TNR: variants seen among roughly 807,000 people sequenced by gnomAD.
TNR encodes tenascin-R.
TNR carries 45 observed loss-of-function variants against 150.4 expected under a neutral mutation model. That is an observed-to-expected ratio of 0.30 (90% CI 0.24 to 0.38). The LOEUF (loss-of-function observed/expected upper bound fraction) is 0.38, where lower values mean the gene tolerates loss of function less well. TNR is among the 10% of genes least tolerant of loss of function. The pLI is 1.00. For synonymous variants in TNR, 687 were observed against 678.4 expected, an observed-to-expected ratio of 1.01 and a Z score of -0.20; for missense variants, 1,544 against 1,759.1, an observed-to-expected ratio of 0.88 and a Z score of 2.19.
chr1:175,698,821 CA>C (rs368818542), intron 1 of TNR, among the ~76,000 whole-genome samples: 2,296 of 145,098 alleles, frequency 0.016, 67 homozygotes, highest in African/African-American at 0.053. Flanking sequence ...GACTCTGTCT[CA>C]AAAAAAAAAA....
rs541004797 is a variant in TNR at position 175,337,444 on chromosome 1, T to C, written c.3534+84A>G. 8.5e-6 allele frequency: 13 copies of C among 1,533,184 alleles called. No homozygotes were observed. In the African/African-American group the frequency reaches 1.8e-4, roughly 21 times the overall value. 95.0% of individuals were successfully genotyped at this position (1,533,184 alleles called of 1,614,324 possible). On this transcript the variant is annotated intron_variant, in intron 19 of 22. Coordinates refer to ENST00000367674, the MANE Select transcript of TNR (RefSeq NM_003285.3). ...GATAAAAGGATGGCCAGGAGGATGGTGAAGTTGGCTTGGCAGGTGCTGAGC... is the reference window on the plus strand; with the variant it reads ...GATAAAAGGATGGCCAGGAGGATGGCGAAGTTGGCTTGGCAGGTGCTGAGC...
intron 1 of TNR, among the ~76,000 whole-genome samples, chr1:175,670,331 T>A (rs1015159994): frequency 1.3e-5 from 2 of 152,126 alleles, no homozygotes; most frequent in Non-Finnish European, 2.9e-5. Context: ...GGGCAGGAAG[T>A]CTGGTGGGAA....
intron 2 of TNR, among the ~76,000 whole-genome samples, chr1:175,468,496 A>T (rs1355557509): frequency 6.6e-6 from 1 of 152,216 alleles, no homozygotes; most frequent in Non-Finnish European, 1.5e-5. Flanking sequence ...CCTGATCCCA[A>T]GGAGCGTAGA....
intron 6 of TNR, among the ~76,000 whole-genome samples, chr1:175,392,128 A>G (rs1234942132): frequency 6.6e-6 from 1 of 152,198 alleles, no homozygotes; most frequent in Non-Finnish European, 1.5e-5. Context: ...CAAGAGGGAG[A>G]GGGAATGAGA....
chr1:175,739,795 A>AG (rs1491431300), intron 1 of TNR, among the ~76,000 whole-genome samples: 1 of 151,616 alleles, frequency 6.6e-6, no homozygotes, highest in African/African-American at 2.4e-5. Context: ...ATCACAATGA[A>AG]CTCTCCTCTT....
chr1:175,470,240 C>A (rs910866712), intron 2 of TNR, among the ~76,000 whole-genome samples: 2 of 151,908 alleles, frequency 1.3e-5, no homozygotes, highest in South Asian at 4.2e-4. Flanking sequence ...GACAGTTGGG[C>A]CTTGGAATGG....
chr1:175,604,192 C>G (rs1048713588), intron 1 of TNR, among the ~76,000 whole-genome samples: 5 of 152,226 alleles, frequency 3.3e-5, no homozygotes, highest in African/African-American at 1.2e-4. Flanking sequence ...CCAAGGCAGG[C>G]CCACGCTGCT....
chr1:175,355,988 A>G (rs1447186896), intron 16 of TNR, among the ~76,000 whole-genome samples: 1 of 151,916 alleles, frequency 6.6e-6, no homozygotes, highest in African/African-American at 2.4e-5. Flanking sequence ...ACTTTCTCCT[A>G]TTCATCACTC....
rs34371480 is a variant in TNR, at chr1:175,406,379, G to A, written c.336C>T (p.Val112=). The A allele has an allele frequency of 3.5e-3, 5,699 of 1,614,106 alleles. 193 individuals carry two copies. In the African/African-American group the frequency reaches 0.067, roughly 19 times the overall value. ...MGQTSDHESQ[V]TFTHRINFPK... ...GGAAGTTGATCCTGTGTGTAAAGGT[G>A]ACCTGGCTCTCGTGGTCTGAGGTCT... Residue 112 remains valine, a synonymous_variant, in exon 3 of 23, where the codon GTC becomes GTT. Coordinates refer to ENST00000367674, the MANE Select transcript of TNR (RefSeq NM_003285.3).
At chr1:175,365,359 G>C in intron 11 of TNR, 80 bp from the exon 12 acceptor site, 1 of 1,467,254 alleles carries the variant, frequency 6.8e-7, no homozygotes, top group South Asian at 1.4e-5. Flanking sequence ...TTGGCTAAAG[G>C]GACCTGCTCT....
intron 2 of TNR, among the ~76,000 whole-genome samples, chr1:175,411,934 C>G (rs923910864): frequency 1.3e-5 from 2 of 152,004 alleles, no homozygotes; most frequent in Non-Finnish European, 2.9e-5. Context: ...TCACAGCAAC[C>G]TATAAGCTAC....
chr1:175,332,834 A>G (rs1250039167), intron 20 of TNR, among the ~76,000 whole-genome samples: 1 of 152,148 alleles, frequency 6.6e-6, no homozygotes, highest in Non-Finnish European at 1.5e-5. Flanking sequence ...CCTTCATTTC[A>G]GTGACTCTTA....
chr1:175,662,443 C>T lies in TNR; in HGVS notation c.-165+80783G>A, dbSNP rs1571727110. 2.6e-5 allele frequency among the ~76,000 whole-genome samples: 4 copies of T among 152,260 alleles called. No homozygotes were observed. The South Asian group carries it at 8.3e-4, about 32-fold the overall frequency. On this transcript the variant is annotated intron_variant, in intron 1 of 22. Transcript: ENST00000367674. ...CTGGCCTGTCTCCTCTTGGTGTTGC[C>T]TGTGTGTAAGTCTTATCTCCCTACT...
At chr1:175,425,480 G>A (rs1325764983) in intron 2 of TNR, among the ~76,000 whole-genome samples, 4 of 152,166 alleles carry the variant, frequency 2.6e-5, no homozygotes, top group Non-Finnish European at 5.9e-5. Flanking sequence ...GTGCCATGTG[G>A]AACTCAAGGT....
intron 1 of TNR, among the ~76,000 whole-genome samples, chr1:175,574,924 T>C (rs1244748488): frequency 6.6e-6 from 1 of 152,264 alleles, no homozygotes; most frequent in Non-Finnish European, 1.5e-5. Context: ...ATGTACTGTG[T>C]CAGCCATTAG....
At chr1:175,397,466 A>T (rs1196704459) in intron 4 of TNR, among the ~76,000 whole-genome samples, 1 of 152,212 alleles carries the variant, frequency 6.6e-6, no homozygotes, top group Non-Finnish European at 1.5e-5. Flanking sequence ...TGGTGGTTTA[A>T]TAAGTTATCG....
chr1:175,406,848 T>A, intron 2 of TNR, 71 bp from the exon 3 acceptor site: 1 of 1,232,372 alleles, frequency 8.1e-7, no homozygotes, highest in Non-Finnish European at 1.1e-6. Context: ...TGCACAAGCC[T>A]ACAAAGCTCA....
intron 20 of TNR, among the ~76,000 whole-genome samples, chr1:175,334,824 T>G (rs944406201): frequency 6.6e-6 from 1 of 152,258 alleles, no homozygotes; most frequent in South Asian, 2.1e-4. Context: ...CTTGTGTTAA[T>G]TAAACTCTTT....
intron 1 of TNR, among the ~76,000 whole-genome samples, chr1:175,736,698 A>C (rs1480182547): frequency 6.6e-6 from 1 of 152,056 alleles, no homozygotes; most frequent in African/African-American, 2.4e-5. Context: ...AGGGATGACT[A>C]AGATACAAGC....
Sources: allele counts gnomAD v4.1 joint callset (sites outside exome capture counted in the v4.1 genomes callset), GRCh38; gene constraint gnomAD v4.1.1; transcripts MANE v1.5; gene names NCBI Gene and HGNC (gene_info 2026-07-23, HGNC 2026-07-21).